Variants in CPLX2 observed in about 807,000 individuals in gnomAD.
CPLX2 encodes complexin 2, also known as complexin-2.
In CPLX2, 5 loss-of-function variants were observed where a neutral mutation model predicts 16.3. That is an observed-to-expected ratio of 0.31 (90% confidence interval 0.16 to 0.64). CPLX2 has a LOEUF of 0.64. Ranked by LOEUF, CPLX2 falls within the 30% of genes least tolerant of loss-of-function variation. CPLX2 has a pLI of 0.79. For missense variants in CPLX2, 144 were observed against 181.4 expected (o/e 0.79, Z 1.18); for synonymous variants, 89 against 73.2 (o/e 1.22, Z -1.10).
intron 2 of CPLX2, among the ~76,000 whole-genome samples, chr5:175,860,462 AAGAG>A (rs1011209794): frequency 4.7e-5 from 7 of 149,976 alleles, no homozygotes; most frequent in East Asian, 2.0e-4. Flanking sequence ...GAGAGAAAGA[AAGAG>A]AGAGAGAGAA....
Position 175,845,751 on chromosome 5 carries a change from T to A in CPLX2, c.-88-32901T>A, listed in dbSNP as rs1759032055. ...GATATTTGTGGGATAAATGGATGAGTGATGTGCCCAAGGTCACGTGGCTGT... is the reference window on the plus strand; with the variant it reads ...GATATTTGTGGGATAAATGGATGAGAGATGTGCCCAAGGTCACGTGGCTGT... On this transcript the variant is annotated intron_variant, in intron 2 of 4. Coordinates refer to the CPLX2 transcript ENST00000359546. This position sits in a 1 kb window ranked among gnomAD's most constrained non-coding sequence, Gnocchi z 4.0. Among the ~76,000 whole-genome samples the A allele has an allele frequency of 6.6e-6, 1 of 151,790 alleles. No homozygotes were observed. Among genetic ancestry groups the A allele is most frequent in the Non-Finnish European group, 1.5e-5 (1 of 67,958 alleles).
chr5:175,803,307 G>A (rs1465051230), intron 1 of CPLX2, among the ~76,000 whole-genome samples: 1 of 152,214 alleles, frequency 6.6e-6, no homozygotes, highest in East Asian at 1.9e-4. Flanking sequence ...CGAAGACAAG[G>A]ACCATGCCTC....
intron 2 of CPLX2, among the ~76,000 whole-genome samples, chr5:175,812,132 G>GT (rs138334579): frequency 0.013 from 1,989 of 152,334 alleles, 41 homozygotes; most frequent in African/African-American, 0.046. Flanking sequence ...CTAGACTTAT[G>GT]TCAGGCAGTG....
chr5:175,860,640 A>AAGGAAGGG, intron 2 of CPLX2, among the ~76,000 whole-genome samples: 1 of 148,436 alleles, frequency 6.7e-6, no homozygotes, highest in Non-Finnish European at 1.5e-5. Flanking sequence ...GGAAGGAAGG[A>AAGGAAGGG]AGGGTCTCTT....
At chr5:175,817,154 C>T (rs1330305269) in intron 2 of CPLX2, among the ~76,000 whole-genome samples, 1 of 152,196 alleles carries the variant, frequency 6.6e-6, no homozygotes, top group Non-Finnish European at 1.5e-5. Flanking sequence ...TTTCTTCAGG[C>T]TATATCACAA....
chr5:175,842,016 T>C (rs910974899), intron 2 of CPLX2, among the ~76,000 whole-genome samples: 4 of 152,276 alleles, frequency 2.6e-5, no homozygotes, highest in Admixed American at 2.6e-4. Context: ...CCACAAGCAT[T>C]CCTCCCATAG....
rs1044866182 is a variant in CPLX2, at chr5:175,830,692, G to A, written c.-89+21624G>A. Among the ~76,000 whole-genome samples the A allele has an allele frequency of 6.6e-6, 1 of 152,232 alleles. No individual in the cohort carries two copies. The highest frequency in any genetic ancestry group is 2.4e-5 in the African/African-American group (1 of 41,452). On this transcript the variant is annotated intron_variant, in intron 2 of 4. Coordinates refer to the CPLX2 transcript ENST00000359546. The surrounding 1 kb of genome is among the most constrained non-coding windows in gnomAD (Gnocchi z 4.0). ...ACTCCCCAGAGCTTTCCTGGAAACA[G>A]CAGGAAGCTATTTTTAAAGCAGCAT...
chr5:175,807,700 C>T (rs1434725894), intron 1 of CPLX2, among the ~76,000 whole-genome samples: 1 of 151,936 alleles, frequency 6.6e-6, no homozygotes, highest in Non-Finnish European at 1.5e-5. Context: ...ACTCATCATT[C>T]ATTCATTCAT....
intron 1 of CPLX2, among the ~76,000 whole-genome samples, chr5:175,800,013 CTTCCTT>C (rs1758064327): frequency 6.6e-6 from 1 of 152,144 alleles, no homozygotes; most frequent in Admixed American, 6.5e-5. Flanking sequence ...CATATGAGGC[CTTCCTT>C]TTCCGATTTG....
intron 2 of CPLX2, among the ~76,000 whole-genome samples, chr5:175,819,307 A>G (rs763135645): frequency 6.6e-6 from 1 of 152,206 alleles, no homozygotes; most frequent in Non-Finnish European, 1.5e-5. Context: ...CAGCTCTAGC[A>G]GATACTGTCA....
rs1424932069 is a variant in CPLX2 at position 175,883,457 on chromosome 5, A to G, written c.*3412A>G. The G allele has an allele frequency of 6.6e-6, 1 of 152,410 alleles. No homozygotes were observed. The highest frequency in any genetic ancestry group is 1.9e-4 in the East Asian group (1 of 5,190). 9.4% of individuals were successfully genotyped at this position (152,410 alleles called of 1,614,324 possible). A position where few individuals can be genotyped will look rare whatever the true frequency, so the allele number is the denominator to read the frequency against. ...AGAAGTATTGCAGCCCAGATCCCCT[A>G]TCAGGGGGACAGCTGGTGGGCAAAG... On this transcript the variant is annotated 3_prime_UTR_variant, in exon 4 of 4. Coordinates refer to ENST00000393745, the MANE Select transcript of CPLX2 (RefSeq NM_001008220.2).
chr5:175,821,064 C>T (rs1465693554), intron 2 of CPLX2, among the ~76,000 whole-genome samples: 2 of 152,142 alleles, frequency 1.3e-5, no homozygotes, highest in African/African-American at 4.8e-5. Context: ...GCAAAAGATC[C>T]TGGCTGCTCC....
chr5:175,823,949 G>T (rs753305935), intron 2 of CPLX2, among the ~76,000 whole-genome samples: 2 of 152,132 alleles, frequency 1.3e-5, no homozygotes, highest in Non-Finnish European at 2.9e-5. Flanking sequence ...ATTGAAATGC[G>T]CTTTCAATAA....
At chr5:175,821,461 G>A (rs1758507006) in intron 2 of CPLX2, among the ~76,000 whole-genome samples, 1 of 152,048 alleles carries the variant, frequency 6.6e-6, no homozygotes, top group South Asian at 2.1e-4. Context: ...AGGCTGGAGT[G>A]CAATGGCGCG....
rs1295634497 is a variant in CPLX2, at chr5:175,836,173, AC to A, written c.-89+27109del. ...AAACCATCCTGGCTAACACGGTGAA[AC>A]CCCGTCTCTACTAAAAATACAAAAA... On this transcript the variant is annotated intron_variant, in intron 2 of 4. Coordinates refer to the CPLX2 transcript ENST00000359546. Among the ~76,000 whole-genome samples, 32 of 151,666 alleles carry A rather than the reference AC, an allele frequency of 2.1e-4. No homozygotes were observed. The Middle Eastern group carries it at 0.01, about 48-fold the overall frequency.
upstream of CPLX2, among the ~76,000 whole-genome samples, chr5:175,868,688 C>T (rs1191318518): frequency 2.0e-5 from 3 of 150,686 alleles, no homozygotes; most frequent in Non-Finnish European, 4.4e-5. Context: ...GGTGTGAATT[C>T]GTGGCAGGTT....
chr5:175,879,743 G>T, intron 3 of CPLX2, 105 bp from the exon 4 acceptor site: 1 of 1,040,672 alleles, frequency 9.6e-7, no homozygotes, highest in Non-Finnish European at 1.5e-6. Context: ...ACTGAGGCTT[G>T]GGAGGCACTC....
rs192302606 is a variant in CPLX2 at position 175,799,560 on chromosome 5, A to T, written c.-169+2776A>T. Among the ~76,000 whole-genome samples, 37 of 74,080 alleles carry T rather than the reference A, an allele frequency of 5.0e-4. 1 individual carries two copies. The highest frequency in any genetic ancestry group is 1.5e-3 in the South Asian group (4 of 2,606). The allele number at this position is 74,080 out of a possible 152,430, so 48.6% of individuals were successfully genotyped here. A position where few individuals can be genotyped will look rare whatever the true frequency, so the allele number is the denominator to read the frequency against. On this transcript the variant is annotated intron_variant, in intron 1 of 4. Coordinates refer to the CPLX2 transcript ENST00000359546. ...ATTTCATATATATATATATATATAT[A>T]TATATATATATATATAGTAATCACA... is the stretch of plus-strand genomic sequence containing the variant.
At chr5:175,802,762 C>T (rs1758123354) in intron 1 of CPLX2, among the ~76,000 whole-genome samples, 1 of 152,168 alleles carries the variant, frequency 6.6e-6, no homozygotes, top group Admixed American at 6.5e-5. Flanking sequence ...CCCACTGGGT[C>T]ATTTTGCACA....
Sources: allele counts gnomAD v4.1 joint callset (sites outside exome capture counted in the v4.1 genomes callset), GRCh38; gene constraint gnomAD v4.1.1; non-coding constraint Gnocchi (gnomAD v3.1); transcripts MANE v1.5; gene names NCBI Gene and HGNC (gene_info 2026-07-23, HGNC 2026-07-21).